The following RUFY3 variants were observed in gnomAD, a reference collection of about 807,000 sequenced individuals.
The protein encoded by RUFY3 is protein RUFY3.
In RUFY3, 34 loss-of-function variants were observed where a neutral mutation model predicts 84.0. That is an observed-to-expected ratio of 0.40 (90% CI 0.31 to 0.54). RUFY3 has a LOEUF of 0.54. RUFY3 is among the 20% of genes least tolerant of loss of function. The probability of loss-of-function intolerance (pLI) is 0.39; values close to 1 mark genes in which losing one functional copy is unlikely to be tolerated. For missense variants in RUFY3, 507 were observed against 736.8 expected (o/e 0.69, Z 3.61); for synonymous variants, 242 against 252.9 (o/e 0.96, Z 0.41).
rs574535715 is a variant in RUFY3 at position 70,778,753 on chromosome 4, T to A, written c.894+315T>A. ...CACCACCACCCCGGCTAATTTTGTATTTTTTTAGTAGAGACGGGGTTTCTC... is the reference window on the plus strand; with the variant it reads ...CACCACCACCCCGGCTAATTTTGTAATTTTTTAGTAGAGACGGGGTTTCTC... On this transcript the variant is annotated intron_variant, in intron 8 of 17. Transcript: ENST00000381006. Among the ~76,000 whole-genome samples, 18 of 152,064 alleles carry A rather than the reference T, an allele frequency of 1.2e-4. No individual in the cohort carries two copies. The East Asian group carries it at 3.1e-3, about 26-fold the overall frequency.
At chr4:70,768,109 A>G (rs747231975) in intron 4 of RUFY3, among the ~76,000 whole-genome samples, 34 of 152,178 alleles carry the variant, frequency 2.2e-4, no homozygotes, top group Admixed American at 6.5e-4. Flanking sequence ...TGCTGGGATT[A>G]CAGGTGCGAA....
chr4:70,791,123 C>T, intron 12 of RUFY3: 2 of 837,404 alleles, frequency 2.4e-6, no homozygotes, highest in East Asian at 2.6e-5. Flanking sequence ...TGACTTATCT[C>T]TTTGAGTATT....
intron 1 of RUFY3, among the ~76,000 whole-genome samples, chr4:70,714,739 T>G (rs116378248): frequency 8.1e-4 from 123 of 152,308 alleles, no homozygotes; most frequent in African/African-American, 2.8e-3. Flanking sequence ...GCATATTTCT[T>G]TGGTGGAGCT....
rs1732630548 is a variant in RUFY3, at chr4:70,804,562, A to G, written c.1719+146A>G. 8 of 544,388 alleles carry G rather than the reference A, an allele frequency of 1.5e-5. No homozygotes were observed. The South Asian group carries it at 2.3e-4, about 16-fold the overall frequency. The allele number at this position is 544,388 out of a possible 1,614,324, so 33.7% of individuals were successfully genotyped here. The stretch of plus-strand genomic sequence containing the variant: ...AGTGGGGTGAAAAGCAAAAGGGGCA[A>G]GCATTTACTGGGTACCTGTTTTTTC... On this transcript the variant is annotated intron_variant, in intron 17 of 17. Transcript: ENST00000381006.
intron 9 of RUFY3, 50 bp downstream of exon 9, chr4:70,783,233 T>G (rs768346117): frequency 8.2e-7 from 1 of 1,217,940 alleles, no homozygotes. Flanking sequence ...TATCAACTTG[T>G]TAGTGGTAAA....
chr4:70,756,493 C>A lies in RUFY3; in HGVS notation c.179-6026C>A, dbSNP rs555162682. On this transcript the variant is annotated intron_variant, in intron 1 of 17. Transcript: ENST00000381006. The stretch of plus-strand genomic sequence containing the variant: ...TCTTGTCTCATCTCTAATACTTAAA[C>A]CCCTGGCATTTTTTCAGTGTTGTTT... Among the ~76,000 whole-genome samples, 23 of 152,276 alleles carry A rather than the reference C, an allele frequency of 1.5e-4. 1 individual carries two copies. The South Asian group carries it at 3.3e-3, about 22-fold the overall frequency.
intron 1 of RUFY3, among the ~76,000 whole-genome samples, chr4:70,755,004 A>G (rs1723765177): frequency 6.6e-6 from 1 of 151,782 alleles, no homozygotes; most frequent in African/African-American, 2.4e-5. Flanking sequence ...CCCGGGTTGA[A>G]GCGATTCTCC....
chr4:70,706,835 T>C (rs1689662463), intron 1 of RUFY3, among the ~76,000 whole-genome samples: 1 of 152,222 alleles, frequency 6.6e-6, no homozygotes, highest in Admixed American at 6.5e-5. Context: ...GATAAGAATC[T>C]TCTCAAGGAG....
chr4:70,800,067 C>T (rs1732029169), intron 14 of RUFY3, 74 bp from the exon 15 acceptor site: 3 of 1,423,484 alleles, frequency 2.1e-6, no homozygotes, highest in Non-Finnish European at 2.9e-6. Context: ...TAAGGCATTG[C>T]AGAAGAAAAT....
intron 1 of RUFY3, among the ~76,000 whole-genome samples, chr4:70,745,946 C>T (rs190650208): frequency 6.9e-4 from 105 of 151,914 alleles, no homozygotes; most frequent in Admixed American, 1.4e-3. Context: ...ATTGCTGAGG[C>T]GAGGAATTGC....
At chr4:70,788,749 G>T in intron 10 of RUFY3, 57 bp from the exon 11 acceptor site, 1 of 1,587,246 alleles carries the variant, frequency 6.3e-7, no homozygotes, top group Non-Finnish European at 8.6e-7. Context: ...GAAATATTAT[G>T]GTTTGTACTT....
At chr4:70,787,810 A>G (rs115600459) in intron 10 of RUFY3, among the ~76,000 whole-genome samples, 2,300 of 152,248 alleles carry the variant, frequency 0.015, 29 homozygotes, top group Middle Eastern at 0.051. Flanking sequence ...ATATCCTTTT[A>G]TCACAGTAAG....
At chr4:70,741,867 A>G (rs1456310197) in intron 1 of RUFY3, among the ~76,000 whole-genome samples, 2 of 152,238 alleles carry the variant, frequency 1.3e-5, no homozygotes, top group African/African-American at 4.8e-5. Context: ...TTGCTTTTGA[A>G]AGATATTTGC....
intron 1 of RUFY3, among the ~76,000 whole-genome samples, chr4:70,710,207 T>C (rs894986942): frequency 6.6e-6 from 1 of 152,352 alleles, no homozygotes; most frequent in African/African-American, 2.4e-5. Flanking sequence ...CATTAACATA[T>C]ATACACACAC....
chr4:70,717,196 A>G (rs559684398), upstream of RUFY3, among the ~76,000 whole-genome samples: 4 of 152,348 alleles, frequency 2.6e-5, no homozygotes, highest in East Asian at 1.9e-4. Flanking sequence ...AAAGCGTACA[A>G]TGCATCATTT....
At chr4:70,790,672 T>C (rs915637960) in intron 12 of RUFY3, among the ~76,000 whole-genome samples, 1 of 152,234 alleles carries the variant, frequency 6.6e-6, no homozygotes, top group African/African-American at 2.4e-5. Context: ...TTTAACTCTT[T>C]ATATATGTCT....
At chr4:70,705,053 C>A (rs1265910351) in exon 1 of RUFY3, 10 of 1,269,960 alleles carry the variant, frequency 7.9e-6, no homozygotes, top group Non-Finnish European at 9.9e-6. Flanking sequence ...GGGGCACGGA[C>A]CGAGAGGGCG....
rs762601776 is a variant in RUFY3, at chr4:70,722,751, G to GGTAT, written c.178+2_178+5dup. The GGTAT allele has an allele frequency of 3.7e-6, 6 of 1,613,598 alleles. No individual in the cohort carries two copies. The East Asian group carries it at 8.9e-5, about 24-fold the overall frequency. On this transcript the variant is annotated frameshift_variant and splice_region_variant. Transcript: ENST00000381006. LOFTEE classifies it high-confidence loss of function. Reference sequence around the variant, plus strand: ...ACCTGACCCAGAGCCTACCCATGAAGGTATGGTCAGATCCTGTCCGCTAGT... The same window carrying GGTAT: ...ACCTGACCCAGAGCCTACCCATGAAGGTATGTATGGTCAGATCCTGTCCGCTAGT...
At chr4:70,762,719 A>G (rs776216063) in intron 2 of RUFY3, 27 bp downstream of exon 2, 6 of 1,591,790 alleles carry the variant, frequency 3.8e-6, no homozygotes, top group Admixed American at 1.7e-5. Context: ...AAATGCAAAT[A>G]TGCATGCAGC....
Sources: gnomAD v4.1 joint callset for allele counts (sites outside exome capture counted in the v4.1 genomes callset) on GRCh38, gnomAD v4.1.1 for gene constraint, MANE v1.5 for transcripts, NCBI Gene and HGNC (gene_info 2026-07-23, HGNC 2026-07-21) for gene names.